The following WDR37 variants were observed in gnomAD, a reference collection of about 807,000 sequenced individuals.
WDR37 encodes WD repeat-containing protein 37.
In WDR37, 19 loss-of-function variants were observed where a neutral mutation model predicts 62.9. The observed-to-expected ratio is 0.30, with a 90% CI of 0.21 to 0.44. The LOEUF is 0.44. Ranked by LOEUF, WDR37 falls within the 20% of genes least tolerant of loss-of-function variation. WDR37 has a pLI of 1.00. For synonymous variants in WDR37, 250 were observed against 260.9 expected (o/e 0.96, Z 0.40); for missense variants, 474 against 657.6 (o/e 0.72, Z 3.05).
chr10:1,086,406 A>T (rs369290596), intron 7 of WDR37, 49 bp downstream of exon 7: 12 of 1,497,552 alleles, frequency 8.0e-6, no homozygotes, highest in Non-Finnish European at 1.1e-5. Context: ...TGCCTTCTCC[A>T]GTGTGTTTTT....
intron 13 of WDR37, among the ~76,000 whole-genome samples, chr10:1,127,133 C>T (rs1835814874): frequency 6.6e-6 from 1 of 152,192 alleles, no homozygotes; most frequent in Admixed American, 6.5e-5. Flanking sequence ...CATTTTGAAA[C>T]ACAAATTCAT....
chr10:1,062,617 A>G (rs1284981148), intron 1 of WDR37, among the ~76,000 whole-genome samples: 1 of 152,184 alleles, frequency 6.6e-6, no homozygotes, highest in African/African-American at 2.4e-5. Context: ...ATAAACTACA[A>G]AGTAACTGTT....
chr10:1,089,417 C>A (rs964302688), intron 7 of WDR37, among the ~76,000 whole-genome samples: 3 of 152,148 alleles, frequency 2.0e-5, no homozygotes, highest in Non-Finnish European at 4.4e-5. Context: ...ATGATGACTT[C>A]AAGCCTTGTG....
At chr10:1,093,405 T>C (rs1834466157) in intron 7 of WDR37, 47 bp from the exon 8 acceptor site, 3 of 1,455,168 alleles carry the variant, frequency 2.1e-6, no homozygotes, top group Non-Finnish European at 1.9e-6. Context: ...GTTGATAACA[T>C]GTTTTTGTCA....
chr10:1,121,728 T>C lies in WDR37; in HGVS notation c.1104-2490T>C, dbSNP rs1461554747. Among the ~76,000 whole-genome samples, 3 of 152,204 alleles carry C rather than the reference T, an allele frequency of 2.0e-5. No individual in the cohort carries two copies. Among genetic ancestry groups the C allele is most frequent in the African/African-American group, 7.2e-5 (3 of 41,450 alleles). ...CTGCTACATCCACAGGCCAGGATGC[T>C]GCACCACAGGGAAGGGCCCCGACCA... is the stretch of plus-strand genomic sequence containing the variant. On this transcript the variant is annotated intron_variant, in intron 11 of 13. Coordinates refer to ENST00000263150, the MANE Select transcript of WDR37 (RefSeq NM_014023.4). This position sits in a 1 kb window ranked among gnomAD's most constrained non-coding sequence, Gnocchi z 4.5.
intron 11 of WDR37, among the ~76,000 whole-genome samples, chr10:1,123,404 T>A (rs1835646537): frequency 2.0e-5 from 3 of 152,246 alleles, no homozygotes; most frequent in Non-Finnish European, 4.4e-5. Flanking sequence ...TCTGCACTTG[T>A]GAAACTATTC....
intron 12 of WDR37, 125 bp from the exon 13 acceptor site, chr10:1,124,785 A>C: frequency 7.9e-7 from 1 of 1,258,108 alleles, no homozygotes; most frequent in Non-Finnish European, 1.1e-6. Context: ...TGGTACACGC[A>C]GTGTGTTCAT....
At chr10:1,122,952 G>C (rs772033383) in intron 11 of WDR37, among the ~76,000 whole-genome samples, 8 of 152,198 alleles carry the variant, frequency 5.3e-5, no homozygotes, top group Non-Finnish European at 7.3e-5. Context: ...TTAGCACCAT[G>C]TCAAACACTT....
In WDR37 at chr10:1,107,356, T is replaced by C. The variant is rs187386329; in HGVS notation, c.1103+2089T>C. Among the ~76,000 whole-genome samples, 39 of 152,356 alleles carry C rather than the reference T, an allele frequency of 2.6e-4. 1 individual carries two copies. The highest frequency in any genetic ancestry group is 4.6e-4 in the Admixed American group (7 of 15,308). ...CCCTGCTGTTTCTCATGAGAATTCA[T>C]TGGAAGGGCAGTCGGAGGCCTAGAG... On this transcript the variant is annotated intron_variant, in intron 11 of 13. Transcript: ENST00000263150.
chr10:1,084,066 A>G (rs903743977), intron 5 of WDR37, among the ~76,000 whole-genome samples: 1 of 152,168 alleles, frequency 6.6e-6, no homozygotes, highest in African/African-American at 2.4e-5. Context: ...GAATTTGGAA[A>G]TTTTGTCTCA....
intron 11 of WDR37, 92 bp from the exon 12 acceptor site, chr10:1,124,126 C>G: frequency 1.3e-6 from 2 of 1,567,684 alleles, no homozygotes; most frequent in Non-Finnish European, 1.7e-6. Flanking sequence ...TCTCCGACCT[C>G]CTTCCCACCC....
rs373777211 is a variant in WDR37 at position 1,105,206 on chromosome 10, C to T, written c.1042C>T (p.Arg348Cys). 3.7e-6 allele frequency: 6 copies of T among 1,613,976 alleles called. No individual in the cohort carries two copies. The African/African-American group carries it at 4.0e-5, about 11-fold the overall frequency. ...VVTSSRDTTF[R>C]LWDFRDPSIH... ...GACCTCCTCCCGTGACACGACTTTCCGCCTCTGGGATTTCAGGGACCCCTC... is the reference window on the plus strand; with the variant it reads ...GACCTCCTCCCGTGACACGACTTTCTGCCTCTGGGATTTCAGGGACCCCTC... Residue 348 changes from arginine (R) to cysteine (C), a missense_variant, in exon 11 of 14, where the codon CGC becomes TGC. Coordinates refer to ENST00000263150, the MANE Select transcript of WDR37 (RefSeq NM_014023.4). The surrounding 1 kb of genome is among the most constrained non-coding windows in gnomAD (Gnocchi z 5.3).
chr10:1,079,886 T>C, intron 3 of WDR37, 125 bp from the exon 4 acceptor site: 2 of 699,464 alleles, frequency 2.9e-6, no homozygotes, highest in South Asian at 3.8e-5. Context: ...ATTAGAATAT[T>C]ATTCATGTCT....
intron 11 of WDR37, among the ~76,000 whole-genome samples, chr10:1,114,774 C>A (rs573533700): frequency 6.6e-6 from 1 of 152,358 alleles, no homozygotes; most frequent in Admixed American, 6.5e-5. Flanking sequence ...GTGTTTTTCA[C>A]CCGGCAGTGT....
At chr10:1,082,645 C>T (rs1031347339) in intron 5 of WDR37, among the ~76,000 whole-genome samples, 12 of 152,198 alleles carry the variant, frequency 7.9e-5, no homozygotes, top group Admixed American at 5.9e-4. Flanking sequence ...TTGGTAATGA[C>T]GACTAAGTCA....
chr10:1,116,985 A>G (rs143952219), intron 11 of WDR37, among the ~76,000 whole-genome samples: 1 of 151,956 alleles, frequency 6.6e-6, no homozygotes, highest in African/African-American at 2.4e-5. Flanking sequence ...CTCCTCTCTC[A>G]GTGTCCTGTG....
intron 9 of WDR37, among the ~76,000 whole-genome samples, chr10:1,102,584 C>T (rs1262557921): frequency 7.2e-6 from 1 of 139,484 alleles, no homozygotes; most frequent in Non-Finnish European, 1.5e-5. Context: ...AGGAGTAAGG[C>T]GGGGGCGGGG....
rs1200412341 is a variant in WDR37 at position 1,105,739 on chromosome 10, A to G, written c.1103+472A>G. 2.0e-5 allele frequency among the ~76,000 whole-genome samples: 3 copies of G among 151,996 alleles called. No homozygotes were observed. The highest frequency in any genetic ancestry group is 6.6e-5 in the Admixed American group (1 of 15,264). ...GCGCAAACACAGACATAGACCCTCA[A>G]TCCAGTGTGTCCCTCTCTGCTTGGG... On this transcript the variant is annotated intron_variant, in intron 11 of 13. Coordinates refer to ENST00000263150, the MANE Select transcript of WDR37 (RefSeq NM_014023.4). The surrounding 1 kb of genome is among the most constrained non-coding windows in gnomAD (Gnocchi z 5.3).
chr10:1,093,488 C>T lies in WDR37; in HGVS notation c.641C>T (p.Ala214Val), dbSNP rs746965004. 7 of 1,609,032 alleles carry T rather than the reference C, an allele frequency of 4.4e-6. No individual in the cohort carries two copies. The highest frequency in any genetic ancestry group is 5.9e-6 in the Non-Finnish European group (7 of 1,178,158). ...SIKFHPSEQL[A>V]LTASGDQTAH... is the part of the protein sequence containing the mutation. Reference sequence around the variant, plus strand: ...AAATTTCATCCCTCAGAGCAGTTGGCTCTCACTGGTATGTTGATTTTTTTC... The same window carrying T: ...AAATTTCATCCCTCAGAGCAGTTGGTTCTCACTGGTATGTTGATTTTTTTC... The change falls in exon 8 of 14, where the codon GCT becomes GTT. Residue 214 changes from alanine to valine, a missense_variant. Physicochemically the swap from Ala to Val is moderately conservative, Grantham distance 64. Coordinates refer to ENST00000263150, the MANE Select transcript of WDR37 (RefSeq NM_014023.4).
Sources: allele counts gnomAD v4.1 joint callset (sites outside exome capture counted in the v4.1 genomes callset), GRCh38; gene constraint gnomAD v4.1.1; non-coding constraint Gnocchi (gnomAD v3.1); transcripts MANE v1.5; gene names NCBI Gene and HGNC (gene_info 2026-07-23, HGNC 2026-07-21).